The following TECPR2 variants were observed in gnomAD, a reference collection of about 807,000 sequenced individuals.
The protein encoded by TECPR2 is tectonin beta-propeller repeat-containing protein 2.
TECPR2 carries 65 observed loss-of-function variants against 138.1 expected under a neutral mutation model. The ratio of observed to expected loss-of-function variants is 0.47; its 90% CI spans 0.39 to 0.58. The LOEUF (loss-of-function observed/expected upper bound fraction) is 0.58, where lower values mean the gene tolerates loss of function less well. TECPR2 is among the 20% of genes least tolerant of loss of function. The probability of loss-of-function intolerance (pLI) is 0.00; values close to 1 mark genes in which losing one functional copy is unlikely to be tolerated. For synonymous variants in TECPR2, 746 were observed against 749.8 expected, an observed-to-expected ratio of 0.99 and a Z score of 0.08; for missense variants, 1,553 against 1,824.5, an observed-to-expected ratio of 0.85 and a Z score of 2.71.
In TECPR2 at chr14:102,499,190, AT is replaced by A; in HGVS notation, c.*934del. 1 of 702,260 alleles carries A rather than the reference AT, an allele frequency of 1.4e-6. No homozygotes were observed. Among genetic ancestry groups the A allele is most frequent in the South Asian group, 1.5e-5 (1 of 67,580 alleles). The allele number at this position is 702,260 out of a possible 1,614,324, so 43.5% of individuals were successfully genotyped here. A position where few individuals can be genotyped will look rare whatever the true frequency, so the allele number is the denominator to read the frequency against. On this transcript the variant is annotated 3_prime_UTR_variant, in exon 20 of 20. Coordinates refer to ENST00000359520, the MANE Select transcript of TECPR2 (RefSeq NM_014844.5). ...AGGTAGGGACGGCACAGGAGGGTGC[AT>A]GGGGCGTGGGGGAGCTGAGCAAGGG...
Position 102,499,098 on chromosome 14 carries a change from A to G in TECPR2, c.*841A>G, listed in dbSNP as rs3783381. The G allele has an allele frequency of 0.29, 205,797 of 702,404 alleles. 33,591 individuals carry two copies. Among genetic ancestry groups the G allele is most frequent in the East Asian group, 0.49 (18,141 of 37,210 alleles). 43.5% of individuals were successfully genotyped at this position (702,404 alleles called of 1,614,324 possible). A position where few individuals can be genotyped will look rare whatever the true frequency, so the allele number is the denominator to read the frequency against. ...GCAGGCTGCCCGCCTCCTGGAGAGC[A>G]CACTTCAGCTGAAACAGTAAAGCCT... is the stretch of plus-strand genomic sequence containing the variant. On this transcript the variant is annotated 3_prime_UTR_variant, in exon 20 of 20. Transcript: ENST00000359520.
chr14:102,429,566 C>T (rs574143256), intron 7 of TECPR2, among the ~76,000 whole-genome samples: 5 of 152,276 alleles, frequency 3.3e-5, no homozygotes, highest in South Asian at 2.1e-4. Context: ...TTGGGTTCCT[C>T]GGGGAACTTG....
At chr14:102,401,216 A>C (rs1888468216) in intron 2 of TECPR2, among the ~76,000 whole-genome samples, 1 of 152,050 alleles carries the variant, frequency 6.6e-6, no homozygotes, top group Admixed American at 6.6e-5. Flanking sequence ...AGGTGGGTGG[A>C]TCACCTGAGG....
chr14:102,465,503 G>A (rs1301499095), intron 17 of TECPR2: 15 of 1,289,382 alleles, frequency 1.2e-5, no homozygotes, highest in Non-Finnish European at 1.5e-5. Context: ...TACAGATTAT[G>A]AGTCAACACG....
chr14:102,458,978 T>C (rs1347423306), intron 16 of TECPR2, among the ~76,000 whole-genome samples: 1 of 149,162 alleles, frequency 6.7e-6, no homozygotes, highest in Non-Finnish European at 1.5e-5. Context: ...TATATATATA[T>C]ATATATATAT....
At chr14:102,431,645 T>A in intron 7 of TECPR2, 151 bp from the exon 8 acceptor site, 1 of 844,736 alleles carries the variant, frequency 1.2e-6, no homozygotes, top group Admixed American at 2.5e-5. Context: ...CCCATCCTAG[T>A]TTTGCTGGTT....
chr14:102,400,193 G>T (rs1393366733), intron 2 of TECPR2, among the ~76,000 whole-genome samples: 1 of 151,774 alleles, frequency 6.6e-6, no homozygotes, highest in East Asian at 1.9e-4. Context: ...TTACAGGTGT[G>T]TGCCACCACA....
chr14:102,473,887 G>C (rs1164880486), intron 17 of TECPR2, among the ~76,000 whole-genome samples: 1 of 152,162 alleles, frequency 6.6e-6, no homozygotes, highest in Non-Finnish European at 1.5e-5. Context: ...TAGAAGAGGT[G>C]TCTGTTCTTA....
chr14:102,442,473 T>G (rs538446539), intron 11 of TECPR2, among the ~76,000 whole-genome samples: 4 of 152,248 alleles, frequency 2.6e-5, no homozygotes, highest in Non-Finnish European at 5.9e-5. Flanking sequence ...AGTAGCTCTG[T>G]CAAGGCACAT....
At chr14:102,457,361 A>G (rs1035329911) in intron 16 of TECPR2, among the ~76,000 whole-genome samples, 1 of 152,182 alleles carries the variant, frequency 6.6e-6, no homozygotes, top group African/African-American at 2.4e-5. Flanking sequence ...CTGGGATTAC[A>G]GGTGTGAGCC....
At position 102,419,681 on chromosome 14, in the gene TECPR2, T is replaced by A. The variant is rs572176525; in HGVS notation, c.638+4888T>A. 1.2e-4 allele frequency among the ~76,000 whole-genome samples: 19 copies of A among 152,250 alleles called. No homozygotes were observed. In the East Asian group the frequency reaches 3.5e-3, roughly 28 times the overall value. The stretch of plus-strand genomic sequence containing the variant: ...CCTCTTCCCGTCGAGTCCGTGAACC[T>A]CTTCAGACCGGATGATGTGTGTTAC... On this transcript the variant is annotated intron_variant, in intron 5 of 19. Coordinates refer to ENST00000359520, the MANE Select transcript of TECPR2 (RefSeq NM_014844.5). The surrounding 1 kb of genome is among the most constrained non-coding windows in gnomAD (Gnocchi z 4.8).
Position 102,444,773 on chromosome 14 carries a change from A to G in TECPR2, c.2933+946A>G, listed in dbSNP as rs997692340. ...CGGATCACGAGGTCAAGAGTTCGAG[A>G]CCAGACTGACCAACATAGTGAAATC... On this transcript the variant is annotated intron_variant, in intron 12 of 19. Transcript: ENST00000359520. Among the ~76,000 whole-genome samples the G allele has an allele frequency of 3.3e-5, 5 of 152,188 alleles. No homozygotes were observed. The East Asian group carries it at 9.6e-4, about 29-fold the overall frequency.
intron 4 of TECPR2, among the ~76,000 whole-genome samples, chr14:102,413,999 A>T (rs1327687803): frequency 1.3e-5 from 2 of 149,526 alleles, no homozygotes; most frequent in Non-Finnish European, 3.0e-5. Context: ...ATGATCTCAC[A>T]ATGTTGCCCA....
intron 2 of TECPR2, among the ~76,000 whole-genome samples, chr14:102,378,492 T>G (rs1887701533): frequency 6.6e-6 from 1 of 152,192 alleles, no homozygotes; most frequent in Non-Finnish European, 1.5e-5. Flanking sequence ...AGGCAGATGT[T>G]ATTATGATCT....
chr14:102,389,814 G>T (rs530137372), intron 2 of TECPR2, among the ~76,000 whole-genome samples: 10 of 152,088 alleles, frequency 6.6e-5, no homozygotes, highest in Non-Finnish European at 8.8e-5. Flanking sequence ...CTGGCTTTAG[G>T]CTTCTTCCTT....
Position 102,419,264 on chromosome 14 carries a change from C to G in TECPR2, c.638+4471C>G, listed in dbSNP as rs4906196. ...GAGTCTGTAGCATGGAGGCTGTGCA[C>G]AGCCCTCCTCATCAGCAGGGCCAAG... On this transcript the variant is annotated intron_variant, in intron 5 of 19. Transcript: ENST00000359520. This position sits in a 1 kb window ranked among gnomAD's most constrained non-coding sequence, Gnocchi z 4.8. Among the ~76,000 whole-genome samples, 32,135 of 152,006 alleles carry G rather than the reference C, an allele frequency of 0.21. 4,176 individuals are homozygous for G. Among genetic ancestry groups the G allele is most frequent in the Non-Finnish European group, 0.3 (20,278 of 67,946 alleles).
intron 14 of TECPR2, 86 bp from the exon 15 acceptor site, chr14:102,450,474 G>T: frequency 1.5e-6 from 2 of 1,323,152 alleles, no homozygotes; most frequent in African/African-American, 1.5e-5. Context: ...GGGTTTGAAG[G>T]CCAGCTGTCG....
In TECPR2 at chr14:102,483,098, G is replaced by A. The variant is rs573525275; in HGVS notation, c.3790-13881G>A. ...GATCTCCTGACCTTATGATCTGCCC[G>A]TCTCGGCCTCTCAAAGTGCTGGAAT... On this transcript the variant is annotated intron_variant, in intron 17 of 19. Coordinates refer to ENST00000359520, the MANE Select transcript of TECPR2 (RefSeq NM_014844.5). 3.2e-4 allele frequency among the ~76,000 whole-genome samples: 48 copies of A among 151,692 alleles called. 1 individual carries two copies. The highest frequency in any genetic ancestry group is 8.6e-4 in the Admixed American group (13 of 15,204).
At chr14:102,372,749 A>G (rs1362815740) in intron 1 of TECPR2, among the ~76,000 whole-genome samples, 2 of 151,956 alleles carry the variant, frequency 1.3e-5, no homozygotes, top group African/African-American at 4.8e-5. Flanking sequence ...GTGAAACCCC[A>G]TCTCTATTAA....
Sources: gnomAD v4.1 joint callset for allele counts (sites outside exome capture counted in the v4.1 genomes callset) on GRCh38, gnomAD v4.1.1 for gene constraint, Gnocchi (gnomAD v3.1) non-coding constraint, MANE v1.5 for transcripts, NCBI Gene and HGNC (gene_info 2026-07-23, HGNC 2026-07-21) for gene names.